The following NELL2 variants were observed in gnomAD, a reference collection of about 807,000 sequenced individuals.
NELL2 encodes the protein neural EGFL like 2.
NELL2 carries 41 observed loss-of-function variants against 109.6 expected under a neutral mutation model. That is an observed-to-expected ratio of 0.37 (90% CI 0.29 to 0.49). NELL2 has a LOEUF of 0.49. Ranked by LOEUF, NELL2 falls within the 20% of genes least tolerant of loss-of-function variation. NELL2 has a pLI of 0.98. For missense variants in NELL2, 900 were observed against 1,008.3 expected, an observed-to-expected ratio of 0.89 and a Z score of 1.45; for synonymous variants, 355 against 344.7, an observed-to-expected ratio of 1.03 and a Z score of -0.33.
intron 13 of NELL2, among the ~76,000 whole-genome samples, chr12:44,613,450 A>G (rs1218034563): frequency 6.6e-6 from 1 of 152,146 alleles, no homozygotes; most frequent in African/African-American, 2.4e-5. Context: ...AGTTTGCTCA[A>G]TTGTAGACTA....
chr12:44,765,568 C>G (rs1276533370), intron 9 of NELL2, among the ~76,000 whole-genome samples: 1 of 152,062 alleles, frequency 6.6e-6, no homozygotes, highest in Non-Finnish European at 1.5e-5. Context: ...AAGTGAGGCT[C>G]TAGTACATAA....
chr12:44,831,670 A>G (rs902800582), intron 2 of NELL2, among the ~76,000 whole-genome samples: 4 of 152,184 alleles, frequency 2.6e-5, no homozygotes, highest in Non-Finnish European at 4.4e-5. Flanking sequence ...AGCAGAAGTG[A>G]CAGGCGTTAT....
At chr12:44,712,926 T>C (rs1938284758) in intron 10 of NELL2, among the ~76,000 whole-genome samples, 2 of 151,894 alleles carry the variant, frequency 1.3e-5, no homozygotes, top group South Asian at 4.1e-4. Context: ...ATATTTCTAT[T>C]GGATGGTGCA....
chr12:44,685,131 G>A (rs988353771), intron 12 of NELL2, among the ~76,000 whole-genome samples: 7 of 152,310 alleles, frequency 4.6e-5, no homozygotes, highest in African/African-American at 1.7e-4. Context: ...ATTTAGGATA[G>A]TTAGTTCTTC....
chr12:44,703,102 A>T (rs759815724), intron 12 of NELL2, among the ~76,000 whole-genome samples: 2 of 152,224 alleles, frequency 1.3e-5, no homozygotes, highest in Non-Finnish European at 2.9e-5. Flanking sequence ...ATAAATTACC[A>T]CATCTCATGG....
At chr12:44,849,738 C>A (rs183786156) in intron 2 of NELL2, among the ~76,000 whole-genome samples, 4 of 152,006 alleles carry the variant, frequency 2.6e-5, no homozygotes, top group African/African-American at 9.6e-5. Context: ...TAGAAAAAAC[C>A]CAGGTGTTTA....
chr12:44,600,924 A>G (rs1449779538), intron 15 of NELL2, among the ~76,000 whole-genome samples: 1 of 152,202 alleles, frequency 6.6e-6, no homozygotes, highest in Non-Finnish European at 1.5e-5. Flanking sequence ...AACAAATTTA[A>G]ACAATTATCT....
rs57168113 is a variant in NELL2, at chr12:44,600,127, AATTTATTTATTTATTT to A, written c.1663+7026_1663+7041del. Among the ~76,000 whole-genome samples the A allele has an allele frequency of 3.8e-3, 506 of 132,212 alleles. 3 individuals carry two copies. The highest frequency in any genetic ancestry group is 0.018 in the South Asian group (72 of 3,894). The allele number at this position is 132,212 out of a possible 152,430, so 86.7% of individuals were successfully genotyped here. On this transcript the variant is annotated intron_variant, in intron 15 of 19. Coordinates refer to ENST00000429094, the MANE Select transcript of NELL2 (RefSeq NM_001145108.2). ...CAGGCGCCCGCCAGCACGCCCGGCT[AATTTATTTATTTATTT>A]ATTTATTTATTTATTTATTTATTTA...
rs1942468246 is a variant in NELL2, at chr12:44,539,827, T to A, written c.1664-7106A>T. Among the ~76,000 whole-genome samples, 4 of 152,280 alleles carry A rather than the reference T, an allele frequency of 2.6e-5. No individual in the cohort carries two copies. In the South Asian group the frequency reaches 6.2e-4, roughly 24 times the overall value. On this transcript the variant is annotated intron_variant, in intron 15 of 19. Coordinates refer to ENST00000429094, the MANE Select transcript of NELL2 (RefSeq NM_001145108.2). ...ACTTAGAAAAGAACTAGACACATGG[T>A]TAGAGATTCATAAACACATGCTGAA...
intron 15 of NELL2, among the ~76,000 whole-genome samples, chr12:44,550,540 T>C (rs938642059): frequency 1.5e-5 from 2 of 137,506 alleles, no homozygotes; most frequent in African/African-American, 5.4e-5. Context: ...TGAGACTCCA[T>C]CTCAACATAA....
At chr12:44,676,114 G>A (rs988813564) in intron 12 of NELL2, among the ~76,000 whole-genome samples, 1 of 152,094 alleles carries the variant, frequency 6.6e-6, no homozygotes, top group African/African-American at 2.4e-5. Flanking sequence ...AAGTCATGCA[G>A]CTCAATTGCA....
chr12:44,874,575 G>C (rs1033963433), intron 2 of NELL2, among the ~76,000 whole-genome samples: 1 of 152,122 alleles, frequency 6.6e-6, no homozygotes. Context: ...TTGTAAAATC[G>C]TAAGTACACA....
chr12:44,719,238 A>G (rs1187694782), intron 9 of NELL2, among the ~76,000 whole-genome samples: 1 of 152,232 alleles, frequency 6.6e-6, no homozygotes, highest in Non-Finnish European at 1.5e-5. Context: ...ACAGATTGAG[A>G]AATGGATAAG....
intron 11 of NELL2, among the ~76,000 whole-genome samples, chr12:44,706,494 C>A (rs1230520416): frequency 1.3e-5 from 2 of 152,038 alleles, no homozygotes; most frequent in African/African-American, 4.8e-5. Flanking sequence ...AGTTGGCAGG[C>A]CTGAGTTTAC....
intron 15 of NELL2, among the ~76,000 whole-genome samples, 155 bp downstream of exon 15, chr12:44,607,014 A>G (rs916776161): frequency 7.9e-5 from 12 of 152,134 alleles, no homozygotes; most frequent in African/African-American, 2.4e-4. Flanking sequence ...GAAATGCATC[A>G]CTGAAACTTC....
intron 9 of NELL2, among the ~76,000 whole-genome samples, chr12:44,770,032 C>A (rs7297931): frequency 0.23 from 34,637 of 151,942 alleles, 4,168 homozygotes; most frequent in African/African-American, 0.27. Context: ...AAAAAATTAC[C>A]GTGCATTACA....
intron 2 of NELL2, among the ~76,000 whole-genome samples, chr12:44,855,437 C>T (rs1429227888): frequency 6.6e-6 from 1 of 152,208 alleles, no homozygotes; most frequent in Admixed American, 6.5e-5. Flanking sequence ...CTATACATGA[C>T]TGTCCTTCCA....
intron 13 of NELL2, among the ~76,000 whole-genome samples, chr12:44,626,464 C>T (rs929998884): frequency 2.0e-5 from 3 of 152,308 alleles, no homozygotes; most frequent in African/African-American, 7.2e-5. Context: ...CAGATCACTT[C>T]TTTTACCTGG....
intron 13 of NELL2, among the ~76,000 whole-genome samples, chr12:44,658,407 A>C (rs1438381608): frequency 6.6e-6 from 1 of 152,210 alleles, no homozygotes; most frequent in South Asian, 2.1e-4. Flanking sequence ...GACCTCTTCA[A>C]GGAAAACTAT....
Sources: gnomAD v4.1 joint callset for allele counts (sites outside exome capture counted in the v4.1 genomes callset) on GRCh38, gnomAD v4.1.1 for gene constraint, MANE v1.5 for transcripts, NCBI Gene and HGNC (gene_info 2026-07-23, HGNC 2026-07-21) for gene names.